ERBB4: variants seen among roughly 807,000 people sequenced by gnomAD.
The protein encoded by ERBB4 is erb-b2 receptor tyrosine kinase 4.
Under a neutral mutation model 158.0 loss-of-function variants are expected in ERBB4, and 42 were observed. That is an observed-to-expected ratio of 0.27 (90% CI 0.21 to 0.34). The LOEUF is 0.34. Among genes scored for constraint, ERBB4 ranks in the 10% least tolerant of loss-of-function variants. The probability of loss-of-function intolerance (pLI) is 1.00; values close to 1 mark genes in which losing one functional copy is unlikely to be tolerated. For synonymous variants in ERBB4, 583 were observed against 558.7 expected (o/e 1.04, Z -0.61); for missense variants, 1,333 against 1,624.1 (o/e 0.82, Z 3.08).
At chr2:211,535,882 G>A (rs921333909) in intron 20 of ERBB4, 4 of 152,128 alleles carry the variant, frequency 2.6e-5, no homozygotes, top group African/African-American at 9.6e-5. Flanking sequence ...GCCTTAGATT[G>A]TTGATAGTAA....
intron 1 of ERBB4, among the ~76,000 whole-genome samples, chr2:212,448,311 G>A (rs893507512): frequency 5.9e-5 from 9 of 152,116 alleles, no homozygotes; most frequent in East Asian, 3.8e-4. Context: ...CATGAATTGC[G>A]TACATCAGAA....
At position 212,117,678 on chromosome 2, in the gene ERBB4, T is replaced by C. The variant is rs149362770; in HGVS notation, c.234+7074A>G. On this transcript the variant is annotated intron_variant, in intron 2 of 27. Coordinates refer to ENST00000342788, the MANE Select transcript of ERBB4 (RefSeq NM_005235.3). ...GAAATATGCATGCTGTATCTGAAAA[T>C]GTTGCACTTAAATCATCTTTTTTGG... Among the ~76,000 whole-genome samples the C allele has an allele frequency of 7.8e-3, 1,193 of 152,286 alleles. 16 individuals are homozygous for C. Among genetic ancestry groups the C allele is most frequent in the African/African-American group, 0.027 (1,133 of 41,570 alleles).
intron 2 of ERBB4, among the ~76,000 whole-genome samples, chr2:212,009,901 T>C (rs964124506): frequency 2.0e-5 from 3 of 152,166 alleles, no homozygotes; most frequent in African/African-American, 4.8e-5. Context: ...ATCTCTTGTC[T>C]AAAGAAATAC....
chr2:211,757,808 C>T (rs2075318713), intron 4 of ERBB4, among the ~76,000 whole-genome samples: 1 of 152,152 alleles, frequency 6.6e-6, no homozygotes, highest in African/African-American at 2.4e-5. Context: ...TTTCCTGAGG[C>T]CTTCTGGAAA....
intron 1 of ERBB4, among the ~76,000 whole-genome samples, chr2:212,536,937 C>T (rs914597937): frequency 2.0e-5 from 3 of 152,220 alleles, no homozygotes; most frequent in East Asian, 1.9e-4. Context: ...AGAGATGTAT[C>T]TAAGAGGCCG....
At chr2:211,740,301 T>G (rs1194642006) in intron 5 of ERBB4, among the ~76,000 whole-genome samples, 2 of 146,018 alleles carry the variant, frequency 1.4e-5, no homozygotes, top group African/African-American at 5.6e-5. Context: ...TTTTTGTATG[T>G]TTTTATAACT....
At chr2:211,926,784 A>G (rs575273489) in intron 3 of ERBB4, among the ~76,000 whole-genome samples, 44 of 152,184 alleles carry the variant, frequency 2.9e-4, no homozygotes, top group Non-Finnish European at 5.4e-4. Flanking sequence ...ATTTTGCTCA[A>G]TGGGGCCTTC....
intron 2 of ERBB4, among the ~76,000 whole-genome samples, chr2:212,093,822 T>G (rs1425635062): frequency 3.5e-4 from 54 of 152,136 alleles, no homozygotes; most frequent in Admixed American, 3.5e-3. Context: ...TAGCTGCCAT[T>G]AAGGATGATT....
At chr2:211,525,206 A>AG (rs1376903229) in intron 20 of ERBB4, among the ~76,000 whole-genome samples, 1 of 152,190 alleles carries the variant, frequency 6.6e-6, no homozygotes, top group Non-Finnish European at 1.5e-5. Flanking sequence ...AACACCAGCC[A>AG]GGGCAGCTAA....
intron 20 of ERBB4, among the ~76,000 whole-genome samples, chr2:211,513,923 TG>T (rs2065954304): frequency 6.6e-6 from 1 of 152,126 alleles, no homozygotes; most frequent in Admixed American, 6.5e-5. Context: ...GCTATTTTGA[TG>T]TAATGATCAG....
chr2:211,740,196 G>A (rs6722322), intron 5 of ERBB4, among the ~76,000 whole-genome samples: 50,517 of 151,942 alleles, frequency 0.33, 8,469 homozygotes, highest in South Asian at 0.44. Flanking sequence ...TATCAGCTCC[G>A]TTATAACAAA....
intron 20 of ERBB4, among the ~76,000 whole-genome samples, chr2:211,556,569 C>A (rs2067242877): frequency 6.6e-6 from 1 of 151,870 alleles, no homozygotes; most frequent in South Asian, 2.1e-4. Flanking sequence ...TTACAGGGTA[C>A]AGAATATACA....
intron 15 of ERBB4, among the ~76,000 whole-genome samples, chr2:211,660,537 AG>A (rs149550306): frequency 0.021 from 3,252 of 152,314 alleles, 120 homozygotes; most frequent in African/African-American, 0.075. Flanking sequence ...TGTATGTGTT[AG>A]GGGATGAGGA....
chr2:212,473,373 C>T (rs1214541032), intron 1 of ERBB4, among the ~76,000 whole-genome samples: 1 of 151,978 alleles, frequency 6.6e-6, no homozygotes, highest in South Asian at 2.1e-4. Flanking sequence ...TTTTCCAAAA[C>T]ATGGCAGCAG....
intron 19 of ERBB4, 49 bp from the exon 20 acceptor site, chr2:211,562,137 ATTTAGAG>A (rs772614086): frequency 2.0e-6 from 3 of 1,528,710 alleles, no homozygotes; most frequent in Non-Finnish European, 2.7e-6. Context: ...ATTTTCTTAG[ATTTAGAG>A]TTACTTGGAT....
chr2:212,134,707 G>C (rs1439209277), intron 1 of ERBB4, among the ~76,000 whole-genome samples: 11 of 115,764 alleles, frequency 9.5e-5, no homozygotes, highest in Non-Finnish European at 1.3e-4. Context: ...TTTTTGAGAT[G>C]GAGTCTGGCT....
At chr2:211,613,013 G>A (rs926078464) in intron 19 of ERBB4, among the ~76,000 whole-genome samples, 1 of 152,004 alleles carries the variant, frequency 6.6e-6, no homozygotes. Context: ...ATTGAGAAGA[G>A]TGGATGAAGG....
In ERBB4 at chr2:211,382,486, C is replaced by T. The variant is rs1023470034; in HGVS notation, c.*1129G>A. ...GCTTCCATATTGCTTGATTCAAAAT[C>T]CAAAATGGAGTTCAGAAAAAGAACA... On this transcript the variant is annotated 3_prime_UTR_variant, in exon 28 of 28. Transcript: ENST00000342788. 1 of 232,164 alleles carries T rather than the reference C, an allele frequency of 4.3e-6. No homozygotes were observed. The highest frequency in any genetic ancestry group is 2.2e-5 in the African/African-American group (1 of 45,224). 14.4% of individuals were successfully genotyped at this position (232,164 alleles called of 1,614,324 possible). A position where few individuals can be genotyped will look rare whatever the true frequency, so the allele number is the denominator to read the frequency against.
At chr2:212,389,195 T>C (rs1046561402) in intron 1 of ERBB4, among the ~76,000 whole-genome samples, 2 of 152,040 alleles carry the variant, frequency 1.3e-5, no homozygotes, top group African/African-American at 4.8e-5. Context: ...TGTGATGTAG[T>C]TACATAATGA....
Sources: allele counts gnomAD v4.1 joint callset (sites outside exome capture counted in the v4.1 genomes callset), GRCh38; gene constraint gnomAD v4.1.1; transcripts MANE v1.5; gene names NCBI Gene and HGNC (gene_info 2026-07-23, HGNC 2026-07-21).